PIK3C2B: variants seen among roughly 807,000 people sequenced by gnomAD.
The protein encoded by PIK3C2B is phosphatidylinositol-4-phosphate 3-kinase catalytic subunit type 2 beta.
A neutral mutation model predicts 184.3 loss-of-function variants in PIK3C2B; 83 were observed. The observed-to-expected ratio is 0.45, with a 90% CI of 0.38 to 0.54. PIK3C2B has a LOEUF of 0.54. Ranked by LOEUF, PIK3C2B falls within the 20% of genes least tolerant of loss-of-function variation. The pLI is 0.00. For synonymous variants in PIK3C2B, 779 were observed against 837.6 expected (o/e 0.93, Z 1.21); for missense variants, 1,736 against 2,113.5 (o/e 0.82, Z 3.50).
intron 23 of PIK3C2B, among the ~76,000 whole-genome samples, chr1:204,436,393 G>A (rs898492705): frequency 6.6e-6 from 1 of 152,134 alleles, no homozygotes; most frequent in African/African-American, 2.4e-5. Context: ...AGCTGGGCAT[G>A]GTGGCACATG....
rs1675152626 is a variant in PIK3C2B at position 204,433,062 on chromosome 1, T to C, written c.3953+254A>G. ...TATTTGATGGGACCTAGTGAGAATG[T>C]AGATAAGAGTGATGGCAATACCCTT... On this transcript the variant is annotated intron_variant, in intron 26 of 32. Transcript: ENST00000684373. This position sits in a 1 kb window ranked among gnomAD's most constrained non-coding sequence, Gnocchi z 5.0. Among the ~76,000 whole-genome samples, 1 of 152,220 alleles carries C rather than the reference T, an allele frequency of 6.6e-6. No homozygotes were observed. Among genetic ancestry groups the C allele is most frequent in the East Asian group, 1.9e-4 (1 of 5,204 alleles).
intron 24 of PIK3C2B, 52 bp downstream of exon 24, chr1:204,434,387 T>C: frequency 6.5e-7 from 1 of 1,547,690 alleles, no homozygotes; most frequent in South Asian, 1.1e-5. Context: ...TGAACCACTG[T>C]TGCTCACCTC....
intron 2 of PIK3C2B, among the ~76,000 whole-genome samples, chr1:204,467,717 C>A (rs1655921074): frequency 6.6e-6 from 1 of 150,542 alleles, no homozygotes; most frequent in African/African-American, 2.4e-5. Flanking sequence ...TGCCTGTAAT[C>A]CCAGCTACTT....
At chr1:204,484,733 C>CAA (rs920039463) in intron 1 of PIK3C2B, among the ~76,000 whole-genome samples, 1 of 140,392 alleles carries the variant, frequency 7.1e-6, no homozygotes. Flanking sequence ...GACTCCGTCT[C>CAA]AAAAAAAAAA....
At chr1:204,437,497 A>AAAC (rs112930300) in intron 23 of PIK3C2B, among the ~76,000 whole-genome samples, 141,404 of 150,584 alleles carry the variant, frequency 0.94, 67,033 homozygotes, top group South Asian at 1. Context: ...CTCTGTCTCA[A>AAAC]AACAACAACA....
chr1:204,424,558 T>A lies in PIK3C2B; in HGVS notation c.*294A>T. On this transcript the variant is annotated 3_prime_UTR_variant, in exon 33 of 33. Transcript: ENST00000684373. Reference sequence around the variant, plus strand: ...ACTTCATACAGCCCACCCCACACACTCCCCAAACCAAGCATTGCTCCCTTG... The same window carrying A: ...ACTTCATACAGCCCACCCCACACACACCCCAAACCAAGCATTGCTCCCTTG... The A allele has an allele frequency of 3.0e-5, 11 of 367,584 alleles. No homozygotes were observed. Among genetic ancestry groups the A allele is most frequent in the East Asian group, 1.5e-4 (2 of 13,500 alleles). The allele number at this position is 367,584 out of a possible 1,614,324, so 22.8% of individuals were successfully genotyped here.
intron 1 of PIK3C2B, among the ~76,000 whole-genome samples, chr1:204,481,469 G>A (rs1657140645): frequency 6.6e-6 from 1 of 151,980 alleles, no homozygotes; most frequent in South Asian, 2.1e-4. Context: ...ATGTTAGCCA[G>A]GATGGTCTCG....
At chr1:204,460,515 A>C (rs1182588773) in intron 6 of PIK3C2B, 35 bp downstream of exon 6, 8 of 1,579,662 alleles carry the variant, frequency 5.1e-6, no homozygotes, top group Non-Finnish European at 7.0e-6. Context: ...CCACCTCCCC[A>C]GCCCTGGGCA....
rs144678747 is a variant in PIK3C2B, at chr1:204,427,378, C to T, written c.4587+270G>A. ...CACAAGCATTATCTCATTTAATCCCCATAATGACTCTATGAGGTAGGTGCT... is the reference window on the plus strand; with the variant it reads ...CACAAGCATTATCTCATTTAATCCCTATAATGACTCTATGAGGTAGGTGCT... On this transcript the variant is annotated intron_variant, in intron 31 of 32. Coordinates refer to ENST00000684373, the MANE Select transcript of PIK3C2B (RefSeq NM_001377334.1). Among the ~76,000 whole-genome samples the T allele has an allele frequency of 5.9e-5, 9 of 152,292 alleles. No homozygotes were observed. The East Asian group carries it at 1.7e-3, about 29-fold the overall frequency.
At chr1:204,493,443 G>A (rs1457054698) in intron 1 of PIK3C2B, among the ~76,000 whole-genome samples, 1 of 149,146 alleles carries the variant, frequency 6.7e-6, no homozygotes, top group African/African-American at 2.5e-5. Context: ...TGGAAGGGCT[G>A]GGGCAGGGAA....
At chr1:204,427,860 T>C in intron 30 of PIK3C2B, 106 bp from the exon 31 acceptor site, 1 of 767,832 alleles carries the variant, frequency 1.3e-6, no homozygotes. Flanking sequence ...TTTCTGATAC[T>C]CATGAGGCAT....
In PIK3C2B at chr1:204,423,490, T is replaced by G. The variant is rs1192781389; in HGVS notation, c.*1362A>C. ...TCCATCTGGTAGGGAATAAAGAATATGAAGAGATAAGGGAGTCAGTCTCAG... is the reference window on the plus strand; with the variant it reads ...TCCATCTGGTAGGGAATAAAGAATAGGAAGAGATAAGGGAGTCAGTCTCAG... On this transcript the variant is annotated 3_prime_UTR_variant, in exon 33 of 33. Transcript: ENST00000684373. 1.3e-5 allele frequency: 2 copies of G among 149,100 alleles called. No homozygotes were observed. Among genetic ancestry groups the G allele is most frequent in the African/African-American group, 2.5e-5 (1 of 40,234 alleles). The allele number at this position is 149,100 out of a possible 1,614,324, so 9.2% of individuals were successfully genotyped here. A position where few individuals can be genotyped will look rare whatever the true frequency, so the allele number is the denominator to read the frequency against.
chr1:204,484,875 C>A (rs970280041), intron 1 of PIK3C2B, among the ~76,000 whole-genome samples: 3 of 152,022 alleles, frequency 2.0e-5, no homozygotes, highest in African/African-American at 7.2e-5. Flanking sequence ...GCAAAGCAAA[C>A]AAACACACCC....
intron 2 of PIK3C2B, 134 bp from the exon 3 acceptor site, chr1:204,465,453 A>G: frequency 1.5e-6 from 1 of 647,364 alleles, no homozygotes; most frequent in Non-Finnish European, 2.8e-6. Flanking sequence ...AAGGGGCACA[A>G]GAACATATGG....
intron 12 of PIK3C2B, among the ~76,000 whole-genome samples, chr1:204,451,788 A>G (rs769826280): frequency 5.3e-5 from 8 of 152,342 alleles, no homozygotes; most frequent in Middle Eastern, 3.4e-3. Context: ...ACGTATCCCC[A>G]TGTATCAGCC....
In PIK3C2B at chr1:204,449,994, T is replaced by A. The variant is rs901657080; in HGVS notation, c.2090A>T (p.Asn697Ile). Reference sequence around the variant, plus strand: ...CAGCAGTGTCTCCCGAGGCAGCCGGTTCACCTGCACTGGGAAGCAGATCCT... The same window carrying A: ...CAGCAGTGTCTCCCGAGGCAGCCGGATCACCTGCACTGGGAAGCAGATCCT... Reference protein sequence around the residue: ...DQQICFPVQVNRLPRETLLCA... With the variant: ...DQQICFPVQVIRLPRETLLCA... The change falls in exon 13 of 33, where the codon AAC becomes ATC. Residue 697 changes from asparagine (N) to isoleucine (I), a missense_variant. Around this residue, in one of 8 missense-constraint regions of PIK3C2B, gnomAD observed 609 missense variants for 699.2 expected, o/e 0.87. Transcript: ENST00000684373. The A allele has an allele frequency of 1.3e-6, 2 of 1,582,860 alleles. No individual in the cohort carries two copies. Among genetic ancestry groups the A allele is most frequent in the African/African-American group, 2.7e-5 (2 of 74,516 alleles).
intron 16 of PIK3C2B, among the ~76,000 whole-genome samples, chr1:204,444,863 G>GCCAATAAA (rs1330469976): frequency 9.9e-5 from 15 of 152,284 alleles, no homozygotes; most frequent in African/African-American, 3.6e-4. Context: ...TTTTATATAA[G>GCCAATAAA]CCAATAAACC....
At position 204,441,670 on chromosome 1, in the gene PIK3C2B, C is replaced by A. The variant is rs1675671017; in HGVS notation, c.3157-107G>T. The A allele has an allele frequency of 6.5e-6, 4 of 616,114 alleles. No homozygotes were observed. The South Asian group carries it at 9.0e-5, about 14-fold the overall frequency. The allele number at this position is 616,114 out of a possible 1,614,324, so 38.2% of individuals were successfully genotyped here. On this transcript the variant is annotated intron_variant, in intron 20 of 32. Transcript: ENST00000684373. ...ATGCTGCCTCCCCGCTGCTGCCGGT[C>A]CACCCAAGACCTGCTCATTGTTTCT...
At chr1:204,472,729 G>C (rs1011307142) in intron 1 of PIK3C2B, among the ~76,000 whole-genome samples, 1 of 152,158 alleles carries the variant, frequency 6.6e-6, no homozygotes, top group Non-Finnish European at 1.5e-5. Context: ...GCAGTGAGCT[G>C]AGAGTGCATC....
Sources: allele counts gnomAD v4.1 joint callset (sites outside exome capture counted in the v4.1 genomes callset), GRCh38; gene constraint gnomAD v4.1.1; regional missense constraint gnomAD v4.1.1; non-coding constraint Gnocchi (gnomAD v3.1); transcripts MANE v1.5; gene names NCBI Gene and HGNC (gene_info 2026-07-23, HGNC 2026-07-21).